The following AMPH variants were observed in gnomAD, a reference collection of about 807,000 sequenced individuals.
AMPH encodes the protein amphiphysin, also known as amphiphysin (Stiff-Mann syndrome with breast cancer 128kD autoantigen).
In AMPH, 49 loss-of-function variants were observed where a neutral mutation model predicts 99.1. The ratio of observed to expected loss-of-function variants is 0.49; its 90% CI spans 0.39 to 0.63. The LOEUF is 0.63. Ranked by LOEUF, AMPH falls within the 20% of genes least tolerant of loss-of-function variation. The pLI is 0.00. For missense variants in AMPH, 759 were observed against 863.4 expected (o/e 0.88, Z 1.52); for synonymous variants, 314 against 317.3 (o/e 0.99, Z 0.11).
At chr7:38,529,404 G>A (rs531724537) in intron 2 of AMPH, among the ~76,000 whole-genome samples, 2 of 152,356 alleles carry the variant, frequency 1.3e-5, no homozygotes, top group East Asian at 3.9e-4. Context: ...GGCATCACTT[G>A]GGAACTTGTC....
At chr7:38,406,731 C>CT (rs1562732477) in intron 17 of AMPH, among the ~76,000 whole-genome samples, 6,842 of 80,518 alleles carry the variant, frequency 0.085, 855 homozygotes, top group Middle Eastern at 0.19. Flanking sequence ...TCTCCCTTTC[C>CT]CTCTCTCTCT....
At chr7:38,418,907 G>T (rs539701410) in intron 16 of AMPH, among the ~76,000 whole-genome samples, 35 of 152,040 alleles carry the variant, frequency 2.3e-4, no homozygotes, top group African/African-American at 7.7e-4. Flanking sequence ...TAAACTAACA[G>T]CAAGCCATTA....
At chr7:38,535,701 G>T (rs1207288120) in intron 1 of AMPH, among the ~76,000 whole-genome samples, 1 of 152,178 alleles carries the variant, frequency 6.6e-6, no homozygotes, top group Non-Finnish European at 1.5e-5. Context: ...GACTGTGACA[G>T]AACATCAGGT....
intron 3 of AMPH, among the ~76,000 whole-genome samples, chr7:38,502,694 A>T (rs1271290298): frequency 1.3e-5 from 2 of 152,096 alleles, no homozygotes; most frequent in East Asian, 3.9e-4. Context: ...CCCTGCCATG[A>T]CTGGGCCCAC....
In AMPH at chr7:38,384,847, G is replaced by T; in HGVS notation, c.2059C>A (p.Pro687Thr). The T allele has an allele frequency of 6.2e-7, 1 of 1,613,990 alleles. No homozygotes were observed. The highest frequency in any genetic ancestry group is 1.3e-5 in the African/African-American group (1 of 75,008). ...RDLATYKGLF[P>T]ENFTRRLD The stretch of plus-strand genomic sequence containing the variant: ...TCTAAGCGTCGGGTGAAGTTCTCTG[G>T]AAAGAGGCCTTTGTAGGTGGCAAGG... Residue 687 changes from proline (P) to threonine (T), a missense_variant, in exon 21 of 21, where the codon CCA becomes ACA. Physicochemically the swap from Pro to Thr is conservative, Grantham distance 38 (BLOSUM62 -1). This residue lies in a region of AMPH where 554 missense variants were observed against 575.6 expected (regional missense o/e 0.96). Coordinates refer to ENST00000356264, the MANE Select transcript of AMPH (RefSeq NM_001635.4).
rs111430175 is a variant in AMPH, at chr7:38,505,056, G to A, written c.151-1352C>T. On this transcript the variant is annotated intron_variant, in intron 2 of 20. Transcript: ENST00000356264. ...CTTTCCTCATTATAATCTAGTGGGG[G>A]AGCTAAAATATATAAGCAAAAAACA... Among the ~76,000 whole-genome samples the A allele has an allele frequency of 4.8e-4, 73 of 151,968 alleles. 1 individual carries two copies. The Middle Eastern group carries it at 0.027, about 57-fold the overall frequency.
chr7:38,419,048 A>G (rs1032218985), intron 16 of AMPH, among the ~76,000 whole-genome samples: 2 of 151,982 alleles, frequency 1.3e-5, no homozygotes, highest in East Asian at 1.9e-4. Context: ...TAGAGGGCTC[A>G]TAAGATCCTT....
At chr7:38,553,236 G>C (rs1433616729) in intron 1 of AMPH, among the ~76,000 whole-genome samples, 1 of 152,208 alleles carries the variant, frequency 6.6e-6, no homozygotes, top group Non-Finnish European at 1.5e-5. Context: ...GTCTTTGGGG[G>C]CCTCAACTCC....
chr7:38,504,140 G>T (rs1314020656), intron 2 of AMPH, among the ~76,000 whole-genome samples: 1 of 152,134 alleles, frequency 6.6e-6, no homozygotes, highest in Non-Finnish European at 1.5e-5. Flanking sequence ...ATATTTTAGA[G>T]ACTGAGTACC....
At chr7:38,469,435 C>T (rs1422747471) in intron 7 of AMPH, among the ~76,000 whole-genome samples, 2 of 152,108 alleles carry the variant, frequency 1.3e-5, no homozygotes, top group Non-Finnish European at 2.9e-5. Flanking sequence ...GAGCACTCTC[C>T]CCTTCGCAAT....
intron 1 of AMPH, among the ~76,000 whole-genome samples, chr7:38,606,566 C>CTT (rs56934636): frequency 3.5e-3 from 340 of 97,272 alleles, no homozygotes; most frequent in East Asian, 8.4e-3. Flanking sequence ...ACGTCATTCT[C>CTT]TTTTTTTTTT....
At chr7:38,593,501 A>C (rs1399695295) in intron 1 of AMPH, among the ~76,000 whole-genome samples, 2 of 152,252 alleles carry the variant, frequency 1.3e-5, no homozygotes, top group Non-Finnish European at 2.9e-5. Context: ...AAAATATTAA[A>C]GGACCTGTAA....
chr7:38,526,078 T>C (rs1241466406), intron 2 of AMPH, among the ~76,000 whole-genome samples: 2 of 152,200 alleles, frequency 1.3e-5, no homozygotes, highest in Non-Finnish European at 2.9e-5. Context: ...GTGATTCAGT[T>C]TCTCCAAATC....
intron 1 of AMPH, among the ~76,000 whole-genome samples, chr7:38,599,426 A>G (rs1193159975): frequency 2.0e-5 from 3 of 152,172 alleles, no homozygotes; most frequent in East Asian, 1.9e-4. Context: ...TCTCTTCCTT[A>G]CGGTTTTCTT....
At chr7:38,584,483 T>A (rs17171404) in intron 1 of AMPH, among the ~76,000 whole-genome samples, 9,744 of 152,306 alleles carry the variant, frequency 0.064, 362 homozygotes, top group East Asian at 0.12. Flanking sequence ...AGTCATTTAC[T>A]ACCACCTAAC....
At chr7:38,500,257 C>G (rs970778588) in intron 3 of AMPH, among the ~76,000 whole-genome samples, 2 of 152,162 alleles carry the variant, frequency 1.3e-5, no homozygotes, top group Non-Finnish European at 2.9e-5. Context: ...CTGAGAAACT[C>G]AGTAGTAGCC....
chr7:38,491,016 C>T, intron 5 of AMPH, 34 bp downstream of exon 5: 1 of 1,427,394 alleles, frequency 7.0e-7, no homozygotes, highest in South Asian at 1.2e-5. Flanking sequence ...TGACCCCACT[C>T]AATCCTTCCC....
At chr7:38,417,749 G>A (rs1785432991) in intron 17 of AMPH, 76 bp downstream of exon 17, 1 of 1,562,904 alleles carries the variant, frequency 6.4e-7, no homozygotes, top group Non-Finnish European at 8.7e-7. Context: ...AAAGATGAGA[G>A]CGATGCATAT....
chr7:38,528,516 T>G (rs569373579), intron 2 of AMPH, among the ~76,000 whole-genome samples: 1 of 152,314 alleles, frequency 6.6e-6, no homozygotes, highest in South Asian at 2.1e-4. Flanking sequence ...TCTGTAAGTA[T>G]AAAGTTGCTT....
Sources: gnomAD v4.1 joint callset for allele counts (sites outside exome capture counted in the v4.1 genomes callset) on GRCh38, gnomAD v4.1.1 for gene constraint, gnomAD v4.1.1 regional missense constraint, MANE v1.5 for transcripts, NCBI Gene and HGNC (gene_info 2026-07-23, HGNC 2026-07-21) for gene names.